Variants in PRKCQ observed in about 807,000 individuals in gnomAD.
PRKCQ encodes protein kinase C theta.
PRKCQ carries 41 observed loss-of-function variants against 91.2 expected under a neutral mutation model. That is an observed-to-expected ratio of 0.45 (90% CI 0.35 to 0.58). The LOEUF is 0.58. Ranked by LOEUF, PRKCQ falls within the 20% of genes least tolerant of loss-of-function variation. The pLI, the probability that PRKCQ is intolerant of heterozygous loss-of-function variation, is 0.00. For synonymous variants in PRKCQ, 307 were observed against 316.9 expected (o/e 0.97, Z 0.33); for missense variants, 673 against 896.5 (o/e 0.75, Z 3.18).
chr10:6,414,536 C>T, the PRKCQ span, among the ~76,000 whole-genome samples: 3 of 152,060 alleles, frequency 2.0e-5, no homozygotes, highest in Admixed American at 6.6e-5. Flanking sequence ...CAAGGACATT[C>T]AATGTATTAT....
the PRKCQ span, among the ~76,000 whole-genome samples, chr10:6,415,485 A>C: frequency 1.4e-5 from 2 of 143,038 alleles, no homozygotes; most frequent in African/African-American, 5.3e-5. Flanking sequence ...AGGAAATTTC[A>C]GCTCATTCAT....
intron 12 of PRKCQ, among the ~76,000 whole-genome samples, chr10:6,468,421 G>A (rs1400518728): frequency 6.6e-6 from 1 of 152,194 alleles, no homozygotes; most frequent in African/African-American, 2.4e-5. Context: ...AGTAAACAAG[G>A]AAATGGCTGG....
chr10:6,402,431 C>G, the PRKCQ span, among the ~76,000 whole-genome samples: 2 of 151,134 alleles, frequency 1.3e-5, no homozygotes, highest in Non-Finnish European at 2.9e-5. Flanking sequence ...TTTCCTCCCT[C>G]ACGCCTACCA....
Position 6,465,081 on chromosome 10 carries a change from G to A in PRKCQ, c.1354-677C>T, listed in dbSNP as rs1214320207. 6.6e-6 allele frequency among the ~76,000 whole-genome samples: 1 copy of A among 152,128 alleles called. No individual in the cohort carries two copies. ...ATTGTATACTTATTGAAAGTGACAGGGTGCAGGGTGATAAGGAGAATGTGT... is the reference window on the plus strand; with the variant it reads ...ATTGTATACTTATTGAAAGTGACAGAGTGCAGGGTGATAAGGAGAATGTGT... On this transcript the variant is annotated intron_variant, in intron 12 of 17. Transcript: ENST00000263125. The surrounding 1 kb of genome is among the most constrained non-coding windows in gnomAD (Gnocchi z 4.4).
chr10:6,396,403 G>C, the PRKCQ span, among the ~76,000 whole-genome samples: 2 of 152,062 alleles, frequency 1.3e-5, no homozygotes, highest in East Asian at 3.9e-4. Flanking sequence ...TCATTACTCC[G>C]CAAAGAGCCT....
chr10:6,462,402 G>A, intron 13 of PRKCQ, 37 bp from the exon 14 acceptor site: 1 of 1,596,414 alleles, frequency 6.3e-7, no homozygotes, highest in Non-Finnish European at 8.6e-7. Flanking sequence ...CATGAATGTT[G>A]TCATGGAACG....
chr10:6,532,897 T>TA (rs1452556658), intron 1 of PRKCQ, among the ~76,000 whole-genome samples: 1 of 152,258 alleles, frequency 6.6e-6, no homozygotes, highest in African/African-American at 2.4e-5. Context: ...GATCCTGTTT[T>TA]ACTGCAATAC....
At chr10:6,531,146 G>T (rs1006910796) in intron 1 of PRKCQ, among the ~76,000 whole-genome samples, 1 of 151,420 alleles carries the variant, frequency 6.6e-6, no homozygotes, top group African/African-American at 2.4e-5. Context: ...ACCCAGAGCT[G>T]CTGGGTGAGA....
At chr10:6,404,925 CTCCCTTCCCT>C in the PRKCQ span, among the ~76,000 whole-genome samples, 6 of 131,582 alleles carry the variant, frequency 4.6e-5, no homozygotes, top group Non-Finnish European at 8.3e-5. Flanking sequence ...TCCTTCCTTC[CTCCCTTCCCT>C]TCCCTTCCTT....
intron 1 of PRKCQ, among the ~76,000 whole-genome samples, chr10:6,556,607 A>G (rs1840428138): frequency 6.6e-6 from 1 of 151,984 alleles, no homozygotes; most frequent in African/African-American, 2.4e-5. Context: ...TTCTGGAAAC[A>G]GTCATGAATC....
chr10:6,498,419 G>A lies in PRKCQ; in HGVS notation c.519C>T (p.Cys173=), dbSNP rs1837732471. 3 of 1,614,034 alleles carry A rather than the reference G, an allele frequency of 1.9e-6. No individual in the cohort carries two copies. Among genetic ancestry groups the A allele is most frequent in the East Asian group, 4.5e-5 (2 of 44,890 alleles). The part of the protein sequence containing the change: ...TATFFPQPTF[C]SVCHEFVWGL... ...ACCAGACAAACTCGTGGCAGACAGAGCAAAATGTGGGCTGTGGGAAGAAGG... is the reference window on the plus strand; with the variant it reads ...ACCAGACAAACTCGTGGCAGACAGAACAAAATGTGGGCTGTGGGAAGAAGG... The change falls in exon 5 of 18, where the codon TGC becomes TGT. Residue 173 remains cysteine, a synonymous_variant. Transcript: ENST00000263125.
At chr10:6,498,277 G>A (rs1341952054) in intron 5 of PRKCQ, 119 bp downstream of exon 5, 12 of 1,307,438 alleles carry the variant, frequency 9.2e-6, no homozygotes, top group South Asian at 1.4e-5. Context: ...CCCTGACAAC[G>A]CTGAGGTAGC....
chr10:6,509,398 T>TA (rs367752816), intron 3 of PRKCQ, among the ~76,000 whole-genome samples: 8 of 150,316 alleles, frequency 5.3e-5, no homozygotes, highest in East Asian at 1.9e-4. Flanking sequence ...GACGACTCTT[T>TA]AAAAAAAAAA....
chr10:6,412,018 A>G, the PRKCQ span, among the ~76,000 whole-genome samples: 1 of 152,246 alleles, frequency 6.6e-6, no homozygotes, highest in South Asian at 2.1e-4. Flanking sequence ...GTCACTGGCA[A>G]AATTAGCCTA....
the PRKCQ span, among the ~76,000 whole-genome samples, chr10:6,412,569 G>A: frequency 6.6e-6 from 1 of 152,146 alleles, no homozygotes; most frequent in East Asian, 1.9e-4. Flanking sequence ...CATAACAGGT[G>A]ATATTCAAAG....
At chr10:6,427,124 G>A (rs1390069667), downstream of PRKCQ, 1 of 152,050 alleles carries the variant, frequency 6.6e-6, no homozygotes, top group African/African-American at 2.4e-5. Context: ...GGGCAAGCGG[G>A]GAAGTAAACG....
chr10:6,563,865 G>C (rs1481228444), intron 1 of PRKCQ, among the ~76,000 whole-genome samples: 1 of 152,234 alleles, frequency 6.6e-6, no homozygotes, highest in Non-Finnish European at 1.5e-5. Flanking sequence ...GGGAGGAAGG[G>C]TGTGTTAGTG....
intron 11 of PRKCQ, among the ~76,000 whole-genome samples, chr10:6,481,992 T>TC (rs1231975083): frequency 2.5e-4 from 36 of 144,502 alleles, no homozygotes; most frequent in African/African-American, 7.0e-4. Flanking sequence ...TCTTCTCACC[T>TC]CCCCTTTTTT....
the PRKCQ span, among the ~76,000 whole-genome samples, chr10:6,404,571 T>C: frequency 1.4e-4 from 7 of 50,818 alleles, no homozygotes; most frequent in South Asian, 9.1e-3. Flanking sequence ...TCTTCCTTCT[T>C]TCTCTTTCTT....
Sources: gnomAD v4.1 joint callset for allele counts (sites outside exome capture counted in the v4.1 genomes callset) on GRCh38, gnomAD v4.1.1 for gene constraint, Gnocchi (gnomAD v3.1) non-coding constraint, MANE v1.5 for transcripts, NCBI Gene and HGNC (gene_info 2026-07-23, HGNC 2026-07-21) for gene names.